Variants in TAFA2 observed in about 807,000 individuals in gnomAD.
TAFA2 encodes chemokine-like protein TAFA-2.
Under a neutral mutation model 18.8 loss-of-function variants are expected in TAFA2, and 7 were observed. The ratio of observed to expected loss-of-function variants is 0.37; its 90% confidence interval spans 0.21 to 0.70. The LOEUF is 0.70. Among genes scored for constraint, TAFA2 ranks in the 30% least tolerant of loss-of-function variants. The pLI is 0.53. For missense variants in TAFA2, 122 were observed against 158.1 expected (o/e 0.77, Z 1.23); for synonymous variants, 60 against 54.2 (o/e 1.11, Z -0.47).
At position 62,042,207 on chromosome 12, in the gene TAFA2, C is replaced by A. The variant is rs117605000; in HGVS notation, c.-2+149052G>T. ...TCCCAAGCTCTCTTATCCCTACAAG[C>A]AAAAGCACGTAAATACTCAACTCTG... On this transcript the variant is annotated intron_variant, in intron 1 of 4. Coordinates refer to ENST00000416284, the MANE Select transcript of TAFA2 (RefSeq NM_178539.5). Among the ~76,000 whole-genome samples the A allele has an allele frequency of 7.2e-5, 11 of 152,028 alleles. No individual in the cohort carries two copies. In the East Asian group the frequency reaches 2.1e-3, roughly 30 times the overall value.
chr12:62,027,416 G>A (rs1033035847), intron 1 of TAFA2, among the ~76,000 whole-genome samples: 1 of 152,178 alleles, frequency 6.6e-6, no homozygotes, highest in South Asian at 2.1e-4. Context: ...ATTCTCAAAA[G>A]AAATCATAAA....
intron 1 of TAFA2, among the ~76,000 whole-genome samples, chr12:62,228,318 G>T (rs2062796952): frequency 6.6e-6 from 1 of 152,098 alleles, no homozygotes; most frequent in African/African-American, 2.4e-5. Context: ...TCATGTCTTT[G>T]CTATTGTGAA....
chr12:62,061,088 AT>A (rs1269131795), intron 1 of TAFA2, among the ~76,000 whole-genome samples: 1 of 152,178 alleles, frequency 6.6e-6, no homozygotes, highest in East Asian at 1.9e-4. Context: ...GAGAAAGAAT[AT>A]TTTTAATAAA....
intron 2 of TAFA2, among the ~76,000 whole-genome samples, chr12:61,798,868 T>C (rs990874586): frequency 6.6e-6 from 1 of 152,252 alleles, no homozygotes; most frequent in African/African-American, 2.4e-5. Flanking sequence ...TAGAATGTTA[T>C]CTAAGATAAT....
chr12:61,744,869 C>T (rs1262268815), intron 4 of TAFA2, among the ~76,000 whole-genome samples: 3 of 152,162 alleles, frequency 2.0e-5, no homozygotes, highest in Non-Finnish European at 1.5e-5. Flanking sequence ...TTTACTAATG[C>T]TACTTCATGG....
intron 1 of TAFA2, among the ~76,000 whole-genome samples, chr12:62,167,482 CAAAT>C (rs1375857740): frequency 2.6e-5 from 4 of 152,026 alleles, no homozygotes; most frequent in African/African-American, 4.8e-5. Flanking sequence ...CAGGATAAAA[CAAAT>C]AAACAATTAT....
At chr12:61,793,416 A>G (rs779109792) in intron 2 of TAFA2, among the ~76,000 whole-genome samples, 1 of 151,610 alleles carries the variant, frequency 6.6e-6, no homozygotes, top group Non-Finnish European at 1.5e-5. Context: ...GAAAAATTTT[A>G]AAAGTGATGG....
rs555653433 is a variant in TAFA2, at chr12:61,852,111, G to A, written c.106+15209C>T. 2.0e-5 allele frequency among the ~76,000 whole-genome samples: 3 copies of A among 151,838 alleles called. No homozygotes were observed. The South Asian group carries it at 6.2e-4, about 32-fold the overall frequency. ...AATCCCAGCTACTCAAGAGGCTGAG[G>A]CAGGAGAATCGCTTGAACCCAGAAG... is the stretch of plus-strand genomic sequence containing the variant. On this transcript the variant is annotated intron_variant, in intron 2 of 4. Coordinates refer to ENST00000416284, the MANE Select transcript of TAFA2 (RefSeq NM_178539.5).
intron 1 of TAFA2, among the ~76,000 whole-genome samples, chr12:61,945,839 C>T (rs1434746824): frequency 6.7e-6 from 1 of 149,688 alleles, no homozygotes; most frequent in Non-Finnish European, 1.5e-5. Context: ...ATTTCATGCT[C>T]ATGGGTAGGA....
intron 1 of TAFA2, among the ~76,000 whole-genome samples, chr12:62,071,623 G>T (rs942536257): frequency 6.6e-6 from 1 of 152,172 alleles, no homozygotes; most frequent in African/African-American, 2.4e-5. Flanking sequence ...TCCATGGAGG[G>T]ATGTACTGTT....
intron 1 of TAFA2, among the ~76,000 whole-genome samples, chr12:62,213,321 G>A (rs1400778081): frequency 6.6e-6 from 1 of 152,136 alleles, no homozygotes; most frequent in African/African-American, 2.4e-5. Context: ...AACCATTTAG[G>A]TAAGTTCAAT....
chr12:61,772,975 A>C (rs184359823), intron 2 of TAFA2, among the ~76,000 whole-genome samples: 6 of 152,094 alleles, frequency 3.9e-5, no homozygotes. Context: ...AGACTCACCC[A>C]GAAAGCTCCT....
chr12:61,855,122 T>G (rs1873830349), intron 2 of TAFA2, among the ~76,000 whole-genome samples: 1 of 152,162 alleles, frequency 6.6e-6, no homozygotes, highest in South Asian at 2.1e-4. Context: ...TGAATCTGGC[T>G]CAGATTCTTG....
intron 1 of TAFA2, among the ~76,000 whole-genome samples, chr12:62,131,029 G>A (rs773405536): frequency 2.4e-4 from 36 of 151,926 alleles, no homozygotes; most frequent in Non-Finnish European, 4.0e-4. Context: ...AAAGCCAGCT[G>A]ACATAAAATA....
intron 1 of TAFA2, among the ~76,000 whole-genome samples, chr12:62,127,063 T>C (rs975354022): frequency 3.9e-5 from 6 of 152,104 alleles, no homozygotes; most frequent in Non-Finnish European, 8.8e-5. Context: ...CTTAAGTAAG[T>C]TGAAAAGAAA....
At chr12:61,818,491 AC>A (rs1872185087) in intron 2 of TAFA2, among the ~76,000 whole-genome samples, 1 of 49,308 alleles carries the variant, frequency 2.0e-5, no homozygotes, top group African/African-American at 2.3e-4. Flanking sequence ...TCAAAAAAAT[AC>A]ACACACACAC....
chr12:61,752,844 T>C (rs1869083683), intron 4 of TAFA2, among the ~76,000 whole-genome samples: 1 of 152,060 alleles, frequency 6.6e-6, no homozygotes, highest in Admixed American at 6.6e-5. Flanking sequence ...CATTACTCTG[T>C]TCTATTCTTC....
chr12:61,894,577 T>G (rs1875763152), intron 1 of TAFA2, among the ~76,000 whole-genome samples: 1 of 152,226 alleles, frequency 6.6e-6, no homozygotes, highest in African/African-American at 2.4e-5. Context: ...TCTCTCAGTG[T>G]CATGCAGTCA....
intron 1 of TAFA2, among the ~76,000 whole-genome samples, chr12:61,951,437 G>A (rs1266722610): frequency 5.3e-5 from 8 of 152,100 alleles, no homozygotes; most frequent in African/African-American, 9.7e-5. Context: ...AAATAACAAA[G>A]AGTAATGTAC....
Sources: allele counts gnomAD v4.1 joint callset (sites outside exome capture counted in the v4.1 genomes callset), GRCh38; gene constraint gnomAD v4.1.1; transcripts MANE v1.5; gene names NCBI Gene and HGNC (gene_info 2026-07-23, HGNC 2026-07-21).